Variants in TMPRSS2 observed in about 807,000 individuals in gnomAD.
TMPRSS2 encodes transmembrane serine protease 2.
A neutral mutation model predicts 67.4 loss-of-function variants in TMPRSS2; 59 were observed. That is an observed-to-expected ratio of 0.88 (90% CI 0.71 to 1.09). The LOEUF is 1.09. TMPRSS2 is among the 50% of genes least tolerant of loss of function. TMPRSS2 has a pLI of 0.00. For missense variants in TMPRSS2, 668 were observed against 642.7 expected, an observed-to-expected ratio of 1.04 and a Z score of -0.43; for synonymous variants, 257 against 257.0, an observed-to-expected ratio of 1.00 and a Z score of 0.00.
rs1569010588 is a variant in TMPRSS2 at position 41,471,813 on chromosome 21, A to C, written c.1068T>G (p.Thr356=). The part of the protein sequence containing the change: ...IALMKLQKPL[T]FNDLVKPVCL... ...AGCCTGAGCCACACGTACCGTTGAAAGTCAGAGGCTTCTGCAGCTTCATCA... is the reference window on the plus strand; with the variant it reads ...AGCCTGAGCCACACGTACCGTTGAACGTCAGAGGCTTCTGCAGCTTCATCA... Residue 356 remains threonine, a synonymous_variant, in exon 10 of 14, where the codon ACT becomes ACG. Coordinates refer to ENST00000332149, the MANE Select transcript of TMPRSS2 (RefSeq NM_005656.4). 1 of 1,600,742 alleles carries C rather than the reference A, an allele frequency of 6.2e-7. No homozygotes were observed. The highest frequency in any genetic ancestry group is 8.5e-7 in the Non-Finnish European group (1 of 1,170,586).
intron 4 of TMPRSS2, among the ~76,000 whole-genome samples, chr21:41,488,872 C>T (rs960717105): frequency 6.6e-6 from 1 of 152,218 alleles, no homozygotes; most frequent in Non-Finnish European, 1.5e-5. Context: ...AACTCCTGAC[C>T]TCAGGTGGTC....
At chr21:41,487,127 G>A (rs80275470) in intron 5 of TMPRSS2, 2,078 of 152,448 alleles carry the variant, frequency 0.014, 21 homozygotes, top group Non-Finnish European at 0.019. Flanking sequence ...GCCAAGACAT[G>A]ACATCAACCT....
intron 1 of TMPRSS2, among the ~76,000 whole-genome samples, chr21:41,507,608 G>A (rs898353427): frequency 6.6e-6 from 1 of 152,194 alleles, no homozygotes; most frequent in Non-Finnish European, 1.5e-5. Flanking sequence ...AGGAGTTCAG[G>A]TAACACTGCG....
chr21:41,479,609 A>G (rs2091241207), intron 6 of TMPRSS2, among the ~76,000 whole-genome samples: 1 of 144,500 alleles, frequency 6.9e-6, no homozygotes, highest in Non-Finnish European at 1.5e-5. Context: ...GGCCCCAGTT[A>G]TCAATTCCAC....
intron 1 of TMPRSS2, chr21:41,506,512 G>A (rs1420035286): frequency 6.6e-6 from 1 of 152,332 alleles, no homozygotes; most frequent in Non-Finnish European, 1.5e-5. Flanking sequence ...TAAAGGTGGG[G>A]AAGTCCTGAG....
intron 1 of TMPRSS2, among the ~76,000 whole-genome samples, chr21:41,505,872 G>A (rs907214684): frequency 1.1e-4 from 16 of 152,272 alleles, no homozygotes; most frequent in South Asian, 2.1e-4. Flanking sequence ...CTCAGAGCCC[G>A]ACACTGGAAG....
At chr21:41,482,150 G>C (rs751740490) in intron 5 of TMPRSS2, among the ~76,000 whole-genome samples, 2 of 152,114 alleles carry the variant, frequency 1.3e-5, no homozygotes, top group East Asian at 1.9e-4. Context: ...TTGTCCAGGA[G>C]ACTCTAAATC....
intron 8 of TMPRSS2, 80 bp from the exon 9 acceptor site, chr21:41,473,576 G>T: frequency 6.9e-7 from 1 of 1,455,146 alleles, no homozygotes. Flanking sequence ...CCTCCCAAGG[G>T]TCTCCCAGGC....
chr21:41,483,108 T>C (rs1005247101), intron 5 of TMPRSS2, among the ~76,000 whole-genome samples: 1 of 152,208 alleles, frequency 6.6e-6, no homozygotes, highest in Non-Finnish European at 1.5e-5. Flanking sequence ...TCATAATGTA[T>C]GCATCAGGTT....
rs1027849615 is a variant in TMPRSS2 at position 41,465,991 on chromosome 21, A to C, written c.*151T>G. On this transcript the variant is annotated 3_prime_UTR_variant, in exon 14 of 14. Transcript: ENST00000332149. ...GGGGAGCCACTGCAGCCTGCACAGA[A>C]TGGCAGAGAGTGCCAAAGCCAGACA... The C allele has an allele frequency of 1.1e-6, 1 of 936,726 alleles. No individual in the cohort carries two copies. The highest frequency in any genetic ancestry group is 1.7e-5 in the African/African-American group (1 of 60,204). 58.0% of individuals were successfully genotyped at this position (936,726 alleles called of 1,614,324 possible). A position where few individuals can be genotyped will look rare whatever the true frequency, so the allele number is the denominator to read the frequency against.
Position 41,468,481 on chromosome 21 carries a change from C to T in TMPRSS2, c.1229G>A (p.Cys410Tyr), listed in dbSNP as rs755585488. The part of the protein sequence containing the change: ...AKVLLIETQR[C>Y]NSRYVYDNLI... ...GTTGTCATAGACATATCTGCTGTTG[C>T]ATCTCTGTGTCTCAATGAGAAGCAC... is the stretch of plus-strand genomic sequence containing the variant. The change falls in exon 12 of 14, where the codon TGC becomes TAC. Residue 410 changes from cysteine to tyrosine, a missense_variant. Cys to Tyr is a radical substitution (Grantham distance 194). Transcript: ENST00000332149. The T allele has an allele frequency of 6.2e-7, 1 of 1,614,204 alleles. No individual in the cohort carries two copies. Among genetic ancestry groups the T allele is most frequent in the Non-Finnish European group, 8.5e-7 (1 of 1,180,038 alleles).
rs190914795 is a variant in TMPRSS2 at position 41,505,472 on chromosome 21, C to T, written c.-57+2609G>A. The stretch of plus-strand genomic sequence containing the variant: ...GTGGTTACTGGCATAAGGTACTGCA[C>T]GCATCTACCTTTTCACCTACAGGAC... On this transcript the variant is annotated intron_variant, in intron 1 of 13. Coordinates refer to ENST00000332149, the MANE Select transcript of TMPRSS2 (RefSeq NM_005656.4). Among the ~76,000 whole-genome samples the T allele has an allele frequency of 5.3e-5, 8 of 152,294 alleles. No individual in the cohort carries two copies. The East Asian group carries it at 9.7e-4, about 18-fold the overall frequency.
chr21:41,486,607 GT>G (rs1190535806), intron 5 of TMPRSS2: 1 of 152,176 alleles, frequency 6.6e-6, no homozygotes, highest in Non-Finnish European at 1.5e-5. Flanking sequence ...CAGGAAATAA[GT>G]TTTAAAGGAA....
intron 1 of TMPRSS2, 110 bp downstream of exon 1, chr21:41,507,971 A>G (rs765381251): frequency 6.8e-7 from 1 of 1,460,772 alleles, no homozygotes; most frequent in South Asian, 1.3e-5. Context: ...CGCTCCTCAC[A>G]CCCGCTTTCA....
rs2091080224 is a variant in TMPRSS2 at position 41,466,026 on chromosome 21, T to G, written c.*116A>C. 7.6e-7 allele frequency: 1 copy of G among 1,311,624 alleles called. No homozygotes were observed. Among genetic ancestry groups the G allele is most frequent in the Non-Finnish European group, 1.1e-6 (1 of 933,712 alleles). The allele number at this position is 1,311,624 out of a possible 1,614,324, so 81.2% of individuals were successfully genotyped here. On this transcript the variant is annotated 3_prime_UTR_variant, in exon 14 of 14. Coordinates refer to ENST00000332149, the MANE Select transcript of TMPRSS2 (RefSeq NM_005656.4). ...GTGCCAAAGCCAGACAAGTTCACTG[T>G]TTAATAAAAATGAAGTGACCTCTGA...
At chr21:41,497,379 ACACAAGGTAATCTCT>A (rs2091391315) in intron 2 of TMPRSS2, among the ~76,000 whole-genome samples, 1 of 152,214 alleles carries the variant, frequency 6.6e-6, no homozygotes, top group Admixed American at 6.5e-5. Flanking sequence ...CAGAGGGAAA[ACACAAGGTAATCTCT>A]CATCTAAATG....
At chr21:41,476,508 G>T in intron 8 of TMPRSS2, 69 bp downstream of exon 8, 1 of 1,490,056 alleles carries the variant, frequency 6.7e-7, no homozygotes, top group Non-Finnish European at 9.4e-7. Flanking sequence ...GACACAGGGA[G>T]TACTGTTCTG....
intron 1 of TMPRSS2, among the ~76,000 whole-genome samples, chr21:41,501,998 C>T (rs2091427690): frequency 6.6e-6 from 1 of 152,204 alleles, no homozygotes; most frequent in Non-Finnish European, 1.5e-5. Context: ...CACTCAGGCT[C>T]CATTCCTGGC....
chr21:41,495,482 G>A (rs767022432), intron 2 of TMPRSS2, among the ~76,000 whole-genome samples: 15 of 152,044 alleles, frequency 9.9e-5, no homozygotes, highest in South Asian at 4.2e-4. Flanking sequence ...AAAATTAGCC[G>A]GATATGGTGG....
Sources: gnomAD v4.1 joint callset for allele counts (sites outside exome capture counted in the v4.1 genomes callset) on GRCh38, gnomAD v4.1.1 for gene constraint, MANE v1.5 for transcripts, NCBI Gene and HGNC (gene_info 2026-07-23, HGNC 2026-07-21) for gene names.